Variants in CLSPN observed in about 807,000 individuals in gnomAD.
CLSPN encodes the protein claspin homolog.
CLSPN carries 85 observed loss-of-function variants against 156.3 expected under a neutral mutation model. The observed-to-expected ratio is 0.54, with a 90% CI of 0.46 to 0.65. The LOEUF (loss-of-function observed/expected upper bound fraction) is 0.65, where lower values mean the gene tolerates loss of function less well. Among genes scored for constraint, CLSPN ranks in the 30% least tolerant of loss-of-function variants. The pLI is 0.00. For missense variants in CLSPN, 1,407 were observed against 1,554.9 expected, an observed-to-expected ratio of 0.90 and a Z score of 1.60; for synonymous variants, 534 against 542.4, an observed-to-expected ratio of 0.98 and a Z score of 0.22.
rs1642436202 is a variant in CLSPN, at chr1:35,760,517, A to T, written c.1404T>A (p.Asp468Glu). 6.2e-7 allele frequency: 1 copy of T among 1,613,752 alleles called. No homozygotes were observed. Among genetic ancestry groups the T allele is most frequent in the Admixed American group, 1.7e-5 (1 of 59,994 alleles). The change falls in exon 8 of 25, where the codon GAT (aspartate) becomes GAA (glutamate). Residue 468 changes from aspartate (D) to glutamate (E), a missense_variant. Physicochemically the swap from Asp to Glu is conservative, Grantham distance 45 (BLOSUM62 2). Coordinates refer to ENST00000318121, the MANE Select transcript of CLSPN (RefSeq NM_022111.4). The stretch of plus-strand genomic sequence containing the variant: ...GCTGCTCAGGCTCTTCCACTTTCTC[A>T]TCTGTTTCTTCTGGATTTTGGGGGC... ...GEGPQNPEET[D>E]EKVEEPEQQN...
intron 8 of CLSPN, among the ~76,000 whole-genome samples, chr1:35,755,695 T>C (rs1242427853): frequency 2.6e-5 from 4 of 151,980 alleles, no homozygotes; most frequent in African/African-American, 4.8e-5. Context: ...GTGTGAGCCA[T>C]TGTGCCCAGC....
Position 35,734,094 on chromosome 1 carries a change from C to T in CLSPN, c.*2402G>A, listed in dbSNP as rs1641386353. 1.0e-6 allele frequency: 1 copy of T among 985,308 alleles called. No individual in the cohort carries two copies. Among genetic ancestry groups the T allele is most frequent in the Admixed American group, 6.1e-5 (1 of 16,268 alleles). 61.0% of individuals were successfully genotyped at this position (985,308 alleles called of 1,614,324 possible). On this transcript the variant is annotated 3_prime_UTR_variant, in exon 25 of 25. Transcript: ENST00000318121. ...ACTTGGTAAGTTAACTTGATCAATT[C>T]ACTAGGACTGAGAAGCCAGTGAGGG...
At chr1:35,762,802 C>A (rs1283593922) in intron 4 of CLSPN, among the ~76,000 whole-genome samples, 3 of 152,112 alleles carry the variant, frequency 2.0e-5, no homozygotes, top group African/African-American at 7.2e-5. Context: ...TTGACTGATG[C>A]CTCTCTTTGA....
At chr1:35,768,474 C>A (rs952015198) in intron 1 of CLSPN, among the ~76,000 whole-genome samples, 3 of 151,590 alleles carry the variant, frequency 2.0e-5, no homozygotes, top group African/African-American at 7.3e-5. Context: ...GTGGCAGGAT[C>A]ATGGCTCACT....
At position 35,748,526 on chromosome 1, in the gene CLSPN, G is replaced by A. The variant is rs773131453; in HGVS notation, c.2351C>T (p.Pro784Leu). ...SSFELIGSTI[P>L]SYQPCNRQTG... The stretch of plus-strand genomic sequence containing the variant: ...TTGTCTGTTGCAAGGCTGATAGGAT[G>A]GAATCGTGGAGCCAATCAGCTCAAA... The change falls in exon 13 of 25, where the codon CCA (proline) becomes CTA (leucine). Residue 784 changes from proline to leucine, a missense_variant. By Grantham distance (98) the Pro-to-Leu change is moderately conservative (BLOSUM62 -3). This residue lies in a region of CLSPN where 1,096 missense variants were observed against 1,193.0 expected (regional missense o/e 0.92). Coordinates refer to ENST00000318121, the MANE Select transcript of CLSPN (RefSeq NM_022111.4). The A allele has an allele frequency of 1.2e-6, 2 of 1,614,152 alleles. No individual in the cohort carries two copies. The highest frequency in any genetic ancestry group is 1.7e-6 in the Non-Finnish European group (2 of 1,179,990).
chr1:35,766,294 C>G (rs1043067333), intron 1 of CLSPN, among the ~76,000 whole-genome samples: 3 of 149,130 alleles, frequency 2.0e-5, no homozygotes, highest in African/African-American at 7.4e-5. Context: ...TGCACCCGGC[C>G]GGTTTCTTTA....
At chr1:35,763,899 A>G (rs1189987734) in intron 3 of CLSPN, among the ~76,000 whole-genome samples, 2 of 151,252 alleles carry the variant, frequency 1.3e-5, no homozygotes, top group African/African-American at 4.9e-5. Context: ...GGCTCAAGTG[A>G]TTCTCCCACC....
intron 24 of CLSPN, 36 bp downstream of exon 24, chr1:35,736,878 T>C (rs1190146514): frequency 1.3e-6 from 2 of 1,587,704 alleles, no homozygotes; most frequent in Admixed American, 1.8e-5. Flanking sequence ...AAATTCTGGT[T>C]TGGGAAGCCA....
downstream of CLSPN, among the ~76,000 whole-genome samples, chr1:35,728,702 A>G (rs964086394): frequency 5.7e-4 from 87 of 152,300 alleles, 1 homozygote; most frequent in African/African-American, 2.1e-3. Flanking sequence ...CTGGAAAGAT[A>G]GAGAAAACTG....
At chr1:35,737,857 G>T in intron 22 of CLSPN, 135 bp downstream of exon 22, 1 of 473,638 alleles carries the variant, frequency 2.1e-6, no homozygotes. Flanking sequence ...CACCACCTCT[G>T]TGAAGCCTCT....
rs755133150 is a variant in CLSPN at position 35,751,446 on chromosome 1, T to A, written c.1832A>T (p.Glu611Val). Residue 611 changes from glutamate (E) to valine (V), a missense_variant, in exon 10 of 25, where the codon GAG (glutamate) becomes GTG (valine). Transcript: ENST00000318121. ...LQEAMKLRRF[E>V]ERQKRQALFK... ...CAGTGCTTGGCGCTTCTGGCGCTCC[T>A]CAAACCTTCGGAGTTTCATTGCTTC... 6.2e-7 allele frequency: 1 copy of A among 1,614,174 alleles called. No individual in the cohort carries two copies. Among genetic ancestry groups the A allele is most frequent in the Non-Finnish European group, 8.5e-7 (1 of 1,180,020 alleles).
rs1641395543 is a variant in CLSPN, at chr1:35,734,470, A to G, written c.*2026T>C. 1 of 596,590 alleles carries G rather than the reference A, an allele frequency of 1.7e-6. No homozygotes were observed. Among genetic ancestry groups the G allele is most frequent in the Non-Finnish European group, 2.1e-6 (1 of 474,972 alleles). The allele number at this position is 596,590 out of a possible 1,614,324, so 37.0% of individuals were successfully genotyped here. A position where few individuals can be genotyped will look rare whatever the true frequency, so the allele number is the denominator to read the frequency against. On this transcript the variant is annotated 3_prime_UTR_variant, in exon 25 of 25. Transcript: ENST00000318121. ...CGAGACGGGTGGATCACCTCAGGTC[A>G]GGAGTTCAAGACCAGCCTGGCCAAC...
rs1641755625 is a variant in CLSPN, at chr1:35,743,173, G to A, written c.3111C>T (p.Leu1037=). The A allele has an allele frequency of 6.2e-7, 1 of 1,613,866 alleles. No homozygotes were observed. The highest frequency in any genetic ancestry group is 8.5e-7 in the Non-Finnish European group (1 of 1,179,780). Residue 1037 remains leucine (L), a synonymous_variant, in exon 18 of 25, where the codon CTC becomes CTT. Coordinates refer to ENST00000318121, the MANE Select transcript of CLSPN (RefSeq NM_022111.4). ...TTTTCAACTTCTCAGATCGCTTCAG[G>A]AGTTCTTCTTCATCATCATCTTCAT... ...EDHEDDDEEE[L]LKRSEKLKRQ...
At chr1:35,745,126 A>G (rs1424878696) in intron 16 of CLSPN, among the ~76,000 whole-genome samples, 1 of 152,140 alleles carries the variant, frequency 6.6e-6, no homozygotes, top group East Asian at 1.9e-4. Flanking sequence ...ACTATTTTAC[A>G]TTCTCACCAA....
chr1:35,766,795 C>A (rs981800020), intron 1 of CLSPN, among the ~76,000 whole-genome samples: 2 of 151,390 alleles, frequency 1.3e-5, no homozygotes, highest in Non-Finnish European at 2.9e-5. Context: ...GCTCTTATTG[C>A]CCAAGCTGGA....
At position 35,736,565 on chromosome 1, in the gene CLSPN, A is replaced by G; in HGVS notation, c.3951T>C (p.Pro1317=). 6.2e-7 allele frequency: 1 copy of G among 1,612,874 alleles called. No homozygotes were observed. The highest frequency in any genetic ancestry group is 8.5e-7 in the Non-Finnish European group (1 of 1,179,572). Residue 1317 remains proline, a synonymous_variant, in exon 25 of 25, where the codon CCT becomes CCC. Coordinates refer to ENST00000318121, the MANE Select transcript of CLSPN (RefSeq NM_022111.4). ...TGCTATCATCTGTTTTGAGGTGCTT[A>G]GGTGAAGGAGAAGTCATGAAAGATG... is the stretch of plus-strand genomic sequence containing the variant. ...RGPSFMTSPS[P]KHLKTDDSTS...
intron 1 of CLSPN, among the ~76,000 whole-genome samples, chr1:35,766,971 T>C (rs911896563): frequency 6.6e-6 from 1 of 151,996 alleles, no homozygotes; most frequent in Non-Finnish European, 1.5e-5. Context: ...GGTCTCGAAC[T>C]TTTGACCTCA....
chr1:35,769,145 T>A (rs148680316), intron 1 of CLSPN, among the ~76,000 whole-genome samples: 1 of 152,342 alleles, frequency 6.6e-6, no homozygotes, highest in Non-Finnish European at 1.5e-5. Context: ...TTTTGGTTTT[T>A]TAAAAATATT....
In CLSPN at chr1:35,746,399, TTTC is replaced by T. The variant is rs1641882484; in HGVS notation, c.2854+364_2854+366del. On this transcript the variant is annotated intron_variant, in intron 15 of 24. Transcript: ENST00000318121. The surrounding 1 kb of genome is among the most constrained non-coding windows in gnomAD (Gnocchi z 4.2). ...GAGGGTAAGGGGCTTCTTTTCTTTCTTTCTTTTTTTCTATTTTTATGCAGGGTC... is the reference window on the plus strand; with the variant it reads ...GAGGGTAAGGGGCTTCTTTTCTTTCTTTTTTTTCTATTTTTATGCAGGGTC... 6.6e-6 allele frequency among the ~76,000 whole-genome samples: 1 copy of T among 151,952 alleles called. No homozygotes were observed. Among genetic ancestry groups the T allele is most frequent in the South Asian group, 2.1e-4 (1 of 4,816 alleles).
Sources: gnomAD v4.1 joint callset for allele counts (sites outside exome capture counted in the v4.1 genomes callset) on GRCh38, gnomAD v4.1.1 for gene constraint, gnomAD v4.1.1 regional missense constraint, Gnocchi (gnomAD v3.1) non-coding constraint, MANE v1.5 for transcripts, NCBI Gene and HGNC (gene_info 2026-07-23, HGNC 2026-07-21) for gene names.